SMARCA2: variants seen among roughly 807,000 people sequenced by gnomAD.
SMARCA2 encodes SWI/SNF related BAF chromatin remodeling complex subunit ATPase 2, also known as SWI/SNF-related matrix-associated actin-dependent regulator of chromatin subfamily A member 2.
A neutral mutation model predicts 199.8 loss-of-function variants in SMARCA2; 61 were observed. That is an observed-to-expected ratio of 0.31 (90% confidence interval 0.25 to 0.38). SMARCA2 has a LOEUF of 0.38. Ranked by LOEUF, SMARCA2 falls within the 10% of genes least tolerant of loss-of-function variation. SMARCA2 has a pLI of 1.00. For synonymous variants in SMARCA2, 935 were observed against 732.0 expected (o/e 1.28, Z -4.48); for missense variants, 1,344 against 2,012.2 (o/e 0.67, Z 6.35).
chr9:2,015,835 C>T (rs1291770565), intron 1 of SMARCA2: 1 of 152,266 alleles, frequency 6.6e-6, no homozygotes, highest in East Asian at 1.9e-4. Context: ...AGGTTGCAAT[C>T]CCCCCATCCC....
rs751437756 is a variant in SMARCA2 at position 2,077,685 on chromosome 9, C to T, written c.2093C>T (p.Ser698Phe). 1.2e-6 allele frequency: 2 copies of T among 1,614,006 alleles called. No individual in the cohort carries two copies. The highest frequency in any genetic ancestry group is 1.3e-5 in the African/African-American group (1 of 75,024). The change falls in exon 14 of 34, where the codon TCC becomes TTC. Residue 698 changes from serine to phenylalanine, a missense_variant. This residue lies in a region of SMARCA2 where 106 missense variants were observed against 179.7 expected (regional missense o/e 0.59). Transcript: ENST00000349721. ...EYSMQYSARGSQSYYTVAHAI... is the reference protein window; with the variant it reads ...EYSMQYSARGFQSYYTVAHAI... ...AGCATGCAGTACAGTGCCAGGGGCT[C>T]CCAGTCCTACTACACCGTGGCTCAT...
intron 4 of SMARCA2, chr9:2,042,968 ATAACT>A (rs1210656152): frequency 1.3e-5 from 2 of 152,170 alleles, no homozygotes; most frequent in African/African-American, 2.4e-5. Flanking sequence ...AGAGAAACAG[ATAACT>A]TTACTTGCCA....
At chr9:2,142,285 C>T (rs1053820766) in intron 27 of SMARCA2, among the ~76,000 whole-genome samples, 4 of 152,176 alleles carry the variant, frequency 2.6e-5, no homozygotes, top group Admixed American at 6.5e-5. Context: ...TAGAATCAGA[C>T]AACGTCAAGC....
chr9:2,058,487 C>T, intron 8 of SMARCA2, 23 bp downstream of exon 8: 1 of 1,606,494 alleles, frequency 6.2e-7, no homozygotes, highest in Non-Finnish European at 8.5e-7. Context: ...CTGCAGGAGC[C>T]CAGGAAACTA....
chr9:2,132,261 C>A (rs1032477371), intron 27 of SMARCA2, among the ~76,000 whole-genome samples: 1 of 152,172 alleles, frequency 6.6e-6, no homozygotes, highest in Non-Finnish European at 1.5e-5. Flanking sequence ...AAGAGGTGGG[C>A]TGTGGATTTT....
intron 3 of SMARCA2, among the ~76,000 whole-genome samples, chr9:2,035,976 C>T (rs1473722273): frequency 1.3e-5 from 2 of 152,060 alleles, no homozygotes; most frequent in African/African-American, 4.8e-5. Flanking sequence ...AACACAGGAA[C>T]AGAGAGATGT....
intron 22 of SMARCA2, 58 bp from the exon 23 acceptor site, chr9:2,103,945 T>C (rs1332448915): frequency 1.3e-6 from 2 of 1,519,566 alleles, no homozygotes; most frequent in Non-Finnish European, 1.8e-6. Context: ...CAATGCTGGA[T>C]TTTTTAAGAA....
chr9:2,022,503 A>C (rs543902939), intron 1 of SMARCA2, among the ~76,000 whole-genome samples: 1 of 152,172 alleles, frequency 6.6e-6, no homozygotes, highest in Non-Finnish European at 1.5e-5. Flanking sequence ...TCATTGTTGA[A>C]TTGTTGTTGC....
In SMARCA2 at chr9:2,161,733, T is replaced by A. The variant is rs150227062; in HGVS notation, c.4029T>A (p.Leu1343=). The change falls in exon 28 of 34, where the codon CTT becomes CTA. Residue 1343 remains leucine, a synonymous_variant. Transcript: ENST00000349721. This position sits in a 1 kb window ranked among gnomAD's most constrained non-coding sequence, Gnocchi z 4.7. ...NLEEMEEEVR[L]KKRKRRRNVD... is the part of the protein sequence containing the mutation. ...AGGAAATGGAAGAGGAAGTACGGCT[T>A]AAGAAGCGAAAAAGACGAAGAAATG... The A allele has an allele frequency of 3.6e-4, 576 of 1,613,984 alleles. 1 individual carries two copies. The highest frequency in any genetic ancestry group is 4.4e-4 in the Non-Finnish European group (525 of 1,179,948).
Position 2,081,862 on chromosome 9 carries a change from T to C in SMARCA2, c.2215T>C (p.Tyr739His), listed in dbSNP as rs763222938. ...GGGCCTGGAATGGATGGTTTCCCTG[T>C]ATAATAACAACTTGAACGGAATCTT... ...LQGLEWMVSL[Y>H]NNNLNGILAD... Residue 739 changes from tyrosine (Y) to histidine (H), a missense_variant, in exon 15 of 34, where the codon TAT (tyrosine) becomes CAT (histidine). Coordinates refer to ENST00000349721, the MANE Select transcript of SMARCA2 (RefSeq NM_003070.5). 1 of 1,614,098 alleles carries C rather than the reference T, an allele frequency of 6.2e-7. No homozygotes were observed. The highest frequency in any genetic ancestry group is 1.1e-5 in the South Asian group (1 of 91,080).
intron 27 of SMARCA2, chr9:2,160,228 CT>C: frequency 3.0e-6 from 1 of 330,920 alleles, no homozygotes. Flanking sequence ...TTTTTTTTTC[CT>C]TTTCCTTTTT....
intron 9 of SMARCA2, among the ~76,000 whole-genome samples, chr9:2,062,555 C>T (rs1820644857): frequency 6.6e-6 from 1 of 152,142 alleles, no homozygotes; most frequent in African/African-American, 2.4e-5. Flanking sequence ...TTCATCTGTA[C>T]AGAACAGGGA....
At chr9:2,070,396 A>C in intron 9 of SMARCA2, 22 bp from the exon 10 acceptor site, 2 of 1,611,188 alleles carry the variant, frequency 1.2e-6, no homozygotes, top group Non-Finnish European at 1.7e-6. Context: ...TACTTATAAC[A>C]TTCGACATTG....
Position 2,017,819 on chromosome 9 carries a change from C to T in SMARCA2, c.-37+2415C>T, listed in dbSNP as rs1818427396. The T allele has an allele frequency of 6.6e-6, 1 of 152,374 alleles. No individual in the cohort carries two copies. The highest frequency in any genetic ancestry group is 1.9e-4 in the East Asian group (1 of 5,164). The allele number at this position is 152,374 out of a possible 1,614,324, so 9.4% of individuals were successfully genotyped here. A position where few individuals can be genotyped will look rare whatever the true frequency, so the allele number is the denominator to read the frequency against. ...CTCCAGGTAAGGAGCCTGCGCAGCC[C>T]TGCCGCCGGCTGTGTGCGGAGCTTT... On this transcript the variant is annotated intron_variant, in intron 1 of 33. Coordinates refer to ENST00000349721, the MANE Select transcript of SMARCA2 (RefSeq NM_003070.5). This position sits in a 1 kb window ranked among gnomAD's most constrained non-coding sequence, Gnocchi z 8.8.
At position 2,169,236 on chromosome 9, in the gene SMARCA2, A is replaced by G. The variant is rs1302590870; in HGVS notation, c.4200-1183A>G. ...CCTGGCCTGGCAAGCTGCAGGGTGG[A>G]CTGCGTGCCCTGCCTCCAGTCTCTT... is the stretch of plus-strand genomic sequence containing the variant. On this transcript the variant is annotated intron_variant, in intron 28 of 33. Transcript: ENST00000349721. The surrounding 1 kb of genome is among the most constrained non-coding windows in gnomAD (Gnocchi z 6.5). Among the ~76,000 whole-genome samples, 1 of 152,074 alleles carries G rather than the reference A, an allele frequency of 6.6e-6. No individual in the cohort carries two copies. Among genetic ancestry groups the G allele is most frequent in the Non-Finnish European group, 1.5e-5 (1 of 68,004 alleles).
intron 23 of SMARCA2, among the ~76,000 whole-genome samples, chr9:2,107,156 C>G (rs981081770): frequency 2.0e-5 from 3 of 152,074 alleles, no homozygotes; most frequent in South Asian, 2.1e-4. Context: ...AAAAAGATTG[C>G]TGATGATCAG....
At chr9:2,159,098 G>C in intron 27 of SMARCA2, 1 of 1,210,108 alleles carries the variant, frequency 8.3e-7, no homozygotes, top group Non-Finnish European at 1.2e-6. Flanking sequence ...ATTTGTTTTC[G>C]CTTCTTAGCT....
At chr9:2,145,052 C>A (rs1002900936) in intron 27 of SMARCA2, among the ~76,000 whole-genome samples, 3 of 152,170 alleles carry the variant, frequency 2.0e-5, no homozygotes, top group African/African-American at 7.2e-5. Context: ...GTAATCCCAG[C>A]ATTTTGGGAG....
intron 19 of SMARCA2, among the ~76,000 whole-genome samples, chr9:2,091,314 A>T (rs781016564): frequency 6.6e-6 from 1 of 152,108 alleles, no homozygotes; most frequent in Non-Finnish European, 1.5e-5. Flanking sequence ...TCCGTTCTCC[A>T]TCCCTGTCTA....
Sources: allele counts gnomAD v4.1 joint callset (sites outside exome capture counted in the v4.1 genomes callset), GRCh38; gene constraint gnomAD v4.1.1; regional missense constraint gnomAD v4.1.1; non-coding constraint Gnocchi (gnomAD v3.1); transcripts MANE v1.5; gene names NCBI Gene and HGNC (gene_info 2026-07-23, HGNC 2026-07-21).